Variants in ZRANB3 observed in about 807,000 individuals in gnomAD.
ZRANB3 encodes the protein DNA annealing helicase and endonuclease ZRANB3.
A neutral mutation model predicts 133.8 loss-of-function variants in ZRANB3; 125 were observed. The observed-to-expected ratio is 0.93, with a 90% confidence interval of 0.81 to 1.08. ZRANB3 has a LOEUF of 1.08. ZRANB3 is among the 50% of genes least tolerant of loss of function. The pLI is 0.00. For synonymous variants in ZRANB3, 387 were observed against 432.7 expected (o/e 0.89, Z 1.31); for missense variants, 1,229 against 1,275.5 (o/e 0.96, Z 0.56).
chr2:135,350,750 T>C (rs1292481342), intron 4 of ZRANB3, among the ~76,000 whole-genome samples: 1 of 152,146 alleles, frequency 6.6e-6, no homozygotes, highest in Non-Finnish European at 1.5e-5. Context: ...TAAAGGACAG[T>C]GGAGTCCGAA....
At chr2:135,280,837 C>T (rs571101665) in intron 8 of ZRANB3, among the ~76,000 whole-genome samples, 1 of 152,300 alleles carries the variant, frequency 6.6e-6, no homozygotes, top group Admixed American at 6.5e-5. Flanking sequence ...CTCCCCTGAG[C>T]CCTCTTTGCA....
chr2:135,272,413 G>GTTTTTTTTTTTTTTTTTTTTTTTT (rs1558877433), intron 9 of ZRANB3, among the ~76,000 whole-genome samples: 2 of 109,910 alleles, frequency 1.8e-5, no homozygotes, highest in African/African-American at 1.1e-4. Flanking sequence ...GGAAAATAGA[G>GTTTTTTTTTTTTTTTTTTTTTTTT]CTTTTTTTTT....
chr2:135,510,648 G>A lies in ZRANB3; in HGVS notation c.-7-6152C>T. 3.8e-6 allele frequency: 3 copies of A among 786,852 alleles called. No individual in the cohort carries two copies. The Admixed American group carries it at 5.2e-5, about 14-fold the overall frequency. 48.7% of individuals were successfully genotyped at this position (786,852 alleles called of 1,614,324 possible). A position where few individuals can be genotyped will look rare whatever the true frequency, so the allele number is the denominator to read the frequency against. On this transcript the variant is annotated intron_variant, in intron 1 of 20. Coordinates refer to ENST00000264159, the MANE Select transcript of ZRANB3 (RefSeq NM_032143.4). ...TTCCACCACCCAGCCCACATAGAGG[G>A]CCTCCAGGTCCCCTAAGGCGATCAT... is the stretch of plus-strand genomic sequence containing the variant.
chr2:135,439,841 G>A (rs1459190300), intron 2 of ZRANB3, among the ~76,000 whole-genome samples: 1 of 152,182 alleles, frequency 6.6e-6, no homozygotes, highest in Non-Finnish European at 1.5e-5. Context: ...CGAAGTTTCA[G>A]AACCACTACA....
intron 12 of ZRANB3, 47 bp from the exon 13 acceptor site, chr2:135,230,974 T>C (rs547707138): frequency 6.7e-7 from 1 of 1,481,786 alleles, no homozygotes; most frequent in African/African-American, 1.4e-5. Flanking sequence ...CAATCTAATA[T>C]GTTCTTCTTA....
intron 2 of ZRANB3, among the ~76,000 whole-genome samples, chr2:135,496,651 C>T (rs1488218761): frequency 6.6e-6 from 1 of 152,064 alleles, no homozygotes; most frequent in Non-Finnish European, 1.5e-5. Context: ...CAGAGCTGAA[C>T]TCGATATTCT....
intron 1 of ZRANB3, among the ~76,000 whole-genome samples, chr2:135,514,650 G>GC (rs139290050): frequency 0.068 from 10,315 of 151,944 alleles, 716 homozygotes; most frequent in African/African-American, 0.18. Flanking sequence ...TTGCTTGATT[G>GC]CCCTGGCCAG....
At chr2:135,512,618 A>C (rs1003781277) in intron 1 of ZRANB3, among the ~76,000 whole-genome samples, 1 of 151,894 alleles carries the variant, frequency 6.6e-6, no homozygotes, top group African/African-American at 2.4e-5. Flanking sequence ...GAGGATTCAT[A>C]AACACTGAAA....
chr2:135,200,829 C>T (rs1017669199), intron 20 of ZRANB3, among the ~76,000 whole-genome samples: 1 of 147,386 alleles, frequency 6.8e-6, no homozygotes, highest in African/African-American at 2.5e-5. Flanking sequence ...GATCTCGGCT[C>T]ACTGCAACCT....
intron 6 of ZRANB3, among the ~76,000 whole-genome samples, chr2:135,342,692 T>C (rs1684732662): frequency 6.7e-6 from 1 of 149,388 alleles, no homozygotes; most frequent in South Asian, 2.1e-4. Context: ...AGTAATTGAA[T>C]TATCAGTTCT....
At chr2:135,305,122 T>C (rs1682619180) in intron 8 of ZRANB3, among the ~76,000 whole-genome samples, 1 of 152,046 alleles carries the variant, frequency 6.6e-6, no homozygotes, top group Admixed American at 6.6e-5. Flanking sequence ...TGATTACAGG[T>C]GTGTGCCACC....
In ZRANB3 at chr2:135,292,999, C is replaced by T. The variant is rs540451544; in HGVS notation, c.967-17244G>A. The stretch of plus-strand genomic sequence containing the variant: ...ACCATGCTGTTTTGGTTACTGTAGC[C>T]TTGTAGTATAGCTTGAAGTCAGGTA... On this transcript the variant is annotated intron_variant, in intron 8 of 20. Transcript: ENST00000264159. Among the ~76,000 whole-genome samples, 58 of 152,120 alleles carry T rather than the reference C, an allele frequency of 3.8e-4. No homozygotes were observed. The South Asian group carries it at 8.1e-3, about 21-fold the overall frequency.
intron 17 of ZRANB3, among the ~76,000 whole-genome samples, chr2:135,210,251 A>G (rs1694039935): frequency 1.3e-5 from 2 of 152,220 alleles, no homozygotes; most frequent in African/African-American, 4.8e-5. Context: ...GGATATCATT[A>G]GAGAAATAGT....
At chr2:135,201,730 G>T (rs1693635518) in intron 20 of ZRANB3, among the ~76,000 whole-genome samples, 1 of 150,498 alleles carries the variant, frequency 6.6e-6, no homozygotes, top group South Asian at 2.1e-4. Context: ...ATCTGAAATA[G>T]TACTCAAAAG....
At chr2:135,392,961 C>T (rs1479886294) in intron 2 of ZRANB3, among the ~76,000 whole-genome samples, 1 of 151,942 alleles carries the variant, frequency 6.6e-6, no homozygotes, top group Admixed American at 6.6e-5. Context: ...TCACTGCAGC[C>T]TTGACCTCTA....
intron 1 of ZRANB3, among the ~76,000 whole-genome samples, chr2:135,529,675 ATG>A (rs915647507): frequency 8.6e-5 from 13 of 151,484 alleles, no homozygotes; most frequent in Non-Finnish European, 4.4e-5. Context: ...CGTCCGGCTA[ATG>A]TGTGTGTGTG....
chr2:135,470,465 C>T (rs1691206990), intron 2 of ZRANB3, among the ~76,000 whole-genome samples: 1 of 152,074 alleles, frequency 6.6e-6, no homozygotes, highest in Non-Finnish European at 1.5e-5. Flanking sequence ...GCAGGTGGAT[C>T]ACCTGAAGTC....
chr2:135,321,320 C>T (rs1421098100), intron 6 of ZRANB3, among the ~76,000 whole-genome samples: 2 of 152,164 alleles, frequency 1.3e-5, no homozygotes, highest in African/African-American at 4.8e-5. Flanking sequence ...TGCACGTGTA[C>T]TGGTATTTTA....
chr2:135,364,176 C>T (rs936431802), intron 3 of ZRANB3, among the ~76,000 whole-genome samples: 1 of 152,032 alleles, frequency 6.6e-6, no homozygotes. Context: ...AAAAATGATT[C>T]TTATGTGGAT....
Sources: allele counts gnomAD v4.1 joint callset (sites outside exome capture counted in the v4.1 genomes callset), GRCh38; gene constraint gnomAD v4.1.1; transcripts MANE v1.5; gene names NCBI Gene and HGNC (gene_info 2026-07-23, HGNC 2026-07-21).